Variants in BIRC6 observed in about 807,000 individuals in gnomAD.
BIRC6 encodes baculoviral IAP repeat containing 6.
Under a neutral mutation model 503.3 loss-of-function variants are expected in BIRC6, and 98 were observed. The observed-to-expected ratio is 0.19, with a 90% CI of 0.17 to 0.23. The LOEUF (loss-of-function observed/expected upper bound fraction) is 0.23. BIRC6 is among the 10% of genes least tolerant of loss of function. The probability of loss-of-function intolerance (pLI) is 1.00; values close to 1 mark genes in which losing one functional copy is unlikely to be tolerated. For synonymous variants in BIRC6, 2,240 were observed against 2,078.7 expected (o/e 1.08, Z -2.11); for missense variants, 5,360 against 5,806.0 (o/e 0.92, Z 2.50).
At position 32,388,761 on chromosome 2, in the gene BIRC6, T is replaced by G; in HGVS notation, c.657T>G (p.Val219=). 1 of 1,600,462 alleles carries G rather than the reference T, an allele frequency of 6.2e-7. No individual in the cohort carries two copies. The highest frequency in any genetic ancestry group is 1.1e-5 in the South Asian group (1 of 88,870). Reference sequence around the variant, plus strand: ...CCATTTTCTTTCAGTGGGCCACAGTTACATTTCATCTTCCTCATCATGTGT... The same window carrying G: ...CCATTTTCTTTCAGTGGGCCACAGTGACATTTCATCTTCCTCATCATGTGT... ...ANHKVAKWAT[V]TFHLPHHVLK... The change falls in exon 4 of 74, where the codon GTT becomes GTG. Residue 219 remains valine (V), a synonymous_variant. Coordinates refer to ENST00000421745, the MANE Select transcript of BIRC6 (RefSeq NM_016252.4).
intron 4 of BIRC6, among the ~76,000 whole-genome samples, chr2:32,390,516 T>C (rs1049570043): frequency 2.0e-5 from 3 of 152,228 alleles, no homozygotes; most frequent in East Asian, 1.9e-4. Flanking sequence ...GGTTTCACCA[T>C]GTTGGCCAGG....
In BIRC6 at chr2:32,584,240, AT is replaced by A. The variant is rs1272150384; in HGVS notation, c.13355+8881del. Among the ~76,000 whole-genome samples, 297 of 152,144 alleles carry A rather than the reference AT, an allele frequency of 2.0e-3. 2 individuals are homozygous for A. Among genetic ancestry groups the A allele is most frequent in the African/African-American group, 6.9e-3 (288 of 41,522 alleles). On this transcript the variant is annotated intron_variant, in intron 66 of 73. Transcript: ENST00000421745. ...TAAAATAATATTTAAATTTAAAAAA[AT>A]TTTTTTGGCTGGGTGCAGTGGCTCT... is the stretch of plus-strand genomic sequence containing the variant.
chr2:32,575,135 T>C, intron 65 of BIRC6, 21 bp from the exon 66 acceptor site: 1 of 1,612,224 alleles, frequency 6.2e-7, no homozygotes, highest in Non-Finnish European at 8.5e-7. Context: ...CATTTTGTGC[T>C]TTTTCTTCTT....
intron 73 of BIRC6, among the ~76,000 whole-genome samples, chr2:32,616,924 C>T (rs1319640596): frequency 1.3e-5 from 2 of 151,416 alleles, no homozygotes; most frequent in East Asian, 2.0e-4. Context: ...GGCAAAATGG[C>T]GAAACCCCAT....
chr2:32,368,223 C>G (rs1390803268), intron 1 of BIRC6, among the ~76,000 whole-genome samples: 1 of 151,714 alleles, frequency 6.6e-6, no homozygotes, highest in African/African-American at 2.4e-5. Flanking sequence ...CCAGCTGGTT[C>G]TAATGTGCAG....
chr2:32,398,557 C>A (rs2040240375), intron 6 of BIRC6, among the ~76,000 whole-genome samples: 3 of 152,078 alleles, frequency 2.0e-5, no homozygotes, highest in Middle Eastern at 3.4e-3. Flanking sequence ...TTTTTTCATA[C>A]ATACTTCCAC....
chr2:32,591,865 A>G (rs2061402754), intron 66 of BIRC6, among the ~76,000 whole-genome samples: 1 of 152,184 alleles, frequency 6.6e-6, no homozygotes, highest in Non-Finnish European at 1.5e-5. Context: ...TTGTAAATTC[A>G]AAGTGGGTAC....
In BIRC6 at chr2:32,618,672, A is replaced by G. The variant is rs2063378078; in HGVS notation, c.*768A>G. The G allele has an allele frequency of 6.6e-6, 1 of 152,538 alleles. No homozygotes were observed. The highest frequency in any genetic ancestry group is 6.6e-5 in the Admixed American group (1 of 15,266). The allele number at this position is 152,538 out of a possible 1,614,324, so 9.4% of individuals were successfully genotyped here. A position where few individuals can be genotyped will look rare whatever the true frequency, so the allele number is the denominator to read the frequency against. On this transcript the variant is annotated 3_prime_UTR_variant, in exon 74 of 74. Coordinates refer to ENST00000421745, the MANE Select transcript of BIRC6 (RefSeq NM_016252.4). ...ATGGTCAATTTGAAAGTCATTCTAA[A>G]CTGATTTTTTTTTTCTAAAGGGCTC...
intron 11 of BIRC6, among the ~76,000 whole-genome samples, chr2:32,430,526 G>C (rs1218264430): frequency 6.6e-6 from 1 of 152,022 alleles, no homozygotes; most frequent in Non-Finnish European, 1.5e-5. Flanking sequence ...ATGTACATTG[G>C]CTTGCACTTT....
Position 32,442,230 on chromosome 2 carries a change from A to G in BIRC6, c.4106+4A>G. Reference sequence around the variant, plus strand: ...TTCATTCAAATGGACCCGGAAGGTTAATAATTAAAATTTTGCTTACCACTG... The same window carrying G: ...TTCATTCAAATGGACCCGGAAGGTTGATAATTAAAATTTTGCTTACCACTG... On this transcript the variant is annotated splice_donor_region_variant and intron_variant, in intron 18 of 73. Coordinates refer to ENST00000421745, the MANE Select transcript of BIRC6 (RefSeq NM_016252.4). 1 of 1,602,348 alleles carries G rather than the reference A, an allele frequency of 6.2e-7. No homozygotes were observed. Among genetic ancestry groups the G allele is most frequent in the Non-Finnish European group, 8.5e-7 (1 of 1,174,528 alleles).
intron 63 of BIRC6, among the ~76,000 whole-genome samples, chr2:32,546,448 C>T (rs145173305): frequency 1.5e-3 from 221 of 152,124 alleles, no homozygotes; most frequent in Non-Finnish European, 2.6e-3. Context: ...GACATGGTGG[C>T]GTGTGCCTGT....
intron 66 of BIRC6, among the ~76,000 whole-genome samples, chr2:32,587,386 C>CA (rs979608663): frequency 7.5e-4 from 111 of 147,568 alleles, no homozygotes; most frequent in African/African-American, 2.0e-3. Flanking sequence ...GACTCCGTCT[C>CA]AAAAAAAAAA....
intron 9 of BIRC6, among the ~76,000 whole-genome samples, chr2:32,412,559 G>C (rs2042003609): frequency 6.6e-6 from 1 of 152,032 alleles, no homozygotes; most frequent in Non-Finnish European, 1.5e-5. Flanking sequence ...TAATGTAGTT[G>C]TGTGGCTTTA....
At chr2:32,400,287 C>A (rs1182559182) in intron 6 of BIRC6, among the ~76,000 whole-genome samples, 1 of 145,404 alleles carries the variant, frequency 6.9e-6, no homozygotes, top group Non-Finnish European at 1.5e-5. Flanking sequence ...TTTCTGTGTT[C>A]TTAATATATA....
intron 10 of BIRC6, among the ~76,000 whole-genome samples, chr2:32,423,236 T>C (rs545316602): frequency 7.7e-4 from 117 of 152,346 alleles, no homozygotes; most frequent in African/African-American, 2.6e-3. Flanking sequence ...GGCCTGAGAC[T>C]CTCAGTTCTT....
intron 10 of BIRC6, among the ~76,000 whole-genome samples, chr2:32,417,937 A>G (rs191388665): frequency 6.6e-6 from 1 of 152,142 alleles, no homozygotes; most frequent in Admixed American, 6.5e-5. Context: ...GCGTCACCAC[A>G]CTTGGCTAAT....
intron 10 of BIRC6, among the ~76,000 whole-genome samples, chr2:32,419,217 G>A (rs1019796753): frequency 6.6e-6 from 1 of 152,148 alleles, no homozygotes; most frequent in African/African-American, 2.4e-5. Flanking sequence ...TTTTTAAAAA[G>A]CATCTCAGAC....
chr2:32,465,691 A>G (rs963110847), intron 26 of BIRC6, among the ~76,000 whole-genome samples: 1 of 152,236 alleles, frequency 6.6e-6, no homozygotes, highest in Non-Finnish European at 1.5e-5. Context: ...ACTCTAGGCA[A>G]CTTTTCTCTT....
chr2:32,559,205 A>G (rs2058987429), intron 65 of BIRC6, among the ~76,000 whole-genome samples: 1 of 152,248 alleles, frequency 6.6e-6, no homozygotes, highest in African/African-American at 2.4e-5. Context: ...ATTCCAAGAT[A>G]GTCTTCAAGC....
Sources: allele counts gnomAD v4.1 joint callset (sites outside exome capture counted in the v4.1 genomes callset), GRCh38; gene constraint gnomAD v4.1.1; transcripts MANE v1.5; gene names NCBI Gene and HGNC (gene_info 2026-07-23, HGNC 2026-07-21).